SLC16A12: variants seen among roughly 807,000 people sequenced by gnomAD.
The protein encoded by SLC16A12 is monocarboxylate transporter 12.
SLC16A12 carries 17 observed loss-of-function variants against 42.4 expected under a neutral mutation model. The observed-to-expected ratio is 0.40, with a 90% CI of 0.27 to 0.60. The LOEUF (loss-of-function observed/expected upper bound fraction) is 0.60, where lower values mean the gene tolerates loss of function less well. SLC16A12 is among the 20% of genes least tolerant of loss of function. The pLI is 0.42. For synonymous variants in SLC16A12, 224 were observed against 229.4 expected, an observed-to-expected ratio of 0.98 and a Z score of 0.21; for missense variants, 544 against 623.0, an observed-to-expected ratio of 0.87 and a Z score of 1.35.
At chr10:89,483,997 C>G (rs1842710745) in intron 2 of SLC16A12, among the ~76,000 whole-genome samples, 1 of 152,080 alleles carries the variant, frequency 6.6e-6, no homozygotes, top group Non-Finnish European at 1.5e-5. Flanking sequence ...GTTACTAAGT[C>G]TCAGAACCCA....
At chr10:89,541,073 C>T (rs1843712615) in intron 2 of SLC16A12, among the ~76,000 whole-genome samples, 1 of 151,904 alleles carries the variant, frequency 6.6e-6, no homozygotes, top group African/African-American at 2.4e-5. Flanking sequence ...AGGTGCCCAC[C>T]ACCACGCCAG....
At chr10:89,487,097 G>A (rs937318678) in intron 2 of SLC16A12, among the ~76,000 whole-genome samples, 1 of 152,232 alleles carries the variant, frequency 6.6e-6, no homozygotes, top group East Asian at 1.9e-4. Context: ...CAAGAAAGCT[G>A]TGGGCTCTGC....
At position 89,438,931 on chromosome 10, in the gene SLC16A12, G is replaced by C. The variant is rs761547419; in HGVS notation, c.701C>G (p.Thr234Arg). 1 of 1,614,192 alleles carries C rather than the reference G, an allele frequency of 6.2e-7. No individual in the cohort carries two copies. Among genetic ancestry groups the C allele is most frequent in the African/African-American group, 1.3e-5 (1 of 75,058 alleles). ...MRPITLKEDH[T>R]TPEQNHVCRT... is the part of the protein sequence containing the mutation. The stretch of plus-strand genomic sequence containing the variant: ...ACACACATGGTTCTGCTCTGGAGTT[G>C]TGTGGTCCTCTTTAAGAGTAATTGG... Residue 234 changes from threonine (T) to arginine (R), a missense_variant, in exon 6 of 8, where the codon ACA (threonine) becomes AGA (arginine). By Grantham distance (71) the Thr-to-Arg change is moderately conservative. Transcript: ENST00000371790.
At chr10:89,441,079 G>A (rs1330357913) in intron 5 of SLC16A12, 29 bp downstream of exon 5, 39 of 1,613,374 alleles carry the variant, frequency 2.4e-5, no homozygotes, top group Non-Finnish European at 3.3e-5. Context: ...ATGGAGTGGG[G>A]TGAGACAGGT....
intron 3 of SLC16A12, among the ~76,000 whole-genome samples, chr10:89,460,143 C>A (rs994559276): frequency 6.6e-6 from 1 of 152,084 alleles, no homozygotes; most frequent in Non-Finnish European, 1.5e-5. Flanking sequence ...CCCTAAGATT[C>A]CAGCATGATC....
At chr10:89,476,322 A>G (rs1260779422) in intron 2 of SLC16A12, among the ~76,000 whole-genome samples, 1 of 152,196 alleles carries the variant, frequency 6.6e-6, no homozygotes, top group African/African-American at 2.4e-5. Context: ...TTCACTCTGT[A>G]ATCGCTGCCA....
Position 89,438,808 on chromosome 10 carries a change from T to C in SLC16A12, c.824A>G (p.Tyr275Cys), listed in dbSNP as rs770900409. Residue 275 changes from tyrosine (Y) to cysteine (C), a missense_variant, in exon 6 of 8, where the codon TAC becomes TGC. Coordinates refer to ENST00000371790, the MANE Select transcript of SLC16A12 (RefSeq NM_213606.4). The part of the protein sequence containing the change: ...TCLCCCLQQE[Y>C]SFLLMSDFVV... Reference sequence around the variant, plus strand: ...AAAGTCTGACATGAGTAAAAAACTGTACTCTTGCTGCAAACAGCAACAGAG... The same window carrying C: ...AAAGTCTGACATGAGTAAAAAACTGCACTCTTGCTGCAAACAGCAACAGAG... 21 of 1,614,066 alleles carry C rather than the reference T, an allele frequency of 1.3e-5. No homozygotes were observed. Among genetic ancestry groups the C allele is most frequent in the Non-Finnish European group, 1.7e-5 (20 of 1,180,048 alleles).
chr10:89,535,779 G>A (rs2133878388), upstream of SLC16A12, among the ~76,000 whole-genome samples: 1 of 152,204 alleles, frequency 6.6e-6, no homozygotes, highest in East Asian at 1.9e-4. Flanking sequence ...CCCTTCCCGG[G>A]CCCCAGGCTG....
At chr10:89,490,065 A>G (rs1277975479) in intron 2 of SLC16A12, among the ~76,000 whole-genome samples, 1 of 152,240 alleles carries the variant, frequency 6.6e-6, no homozygotes, top group African/African-American at 2.4e-5. Flanking sequence ...ATAGATAACT[A>G]TAGTGACTCA....
At chr10:89,477,924 C>T (rs1842605434) in intron 2 of SLC16A12, among the ~76,000 whole-genome samples, 1 of 123,862 alleles carries the variant, frequency 8.1e-6, no homozygotes, top group African/African-American at 3.0e-5. Context: ...AGGACTTGTG[C>T]CTTGGAGAAC....
intron 2 of SLC16A12, among the ~76,000 whole-genome samples, chr10:89,553,918 C>T (rs758152353): frequency 8.8e-4 from 133 of 151,398 alleles, no homozygotes; most frequent in Non-Finnish European, 1.6e-3. Context: ...TAGCTTGAAC[C>T]CGGGAGGCAG....
chr10:89,493,259 G>A (rs972910940), intron 2 of SLC16A12, among the ~76,000 whole-genome samples: 1 of 124,642 alleles, frequency 8.0e-6, no homozygotes, highest in Non-Finnish European at 1.7e-5. Context: ...TTTCACTCTT[G>A]TTGCCCAGGC....
chr10:89,456,893 A>G (rs537887977), intron 3 of SLC16A12, among the ~76,000 whole-genome samples: 20 of 152,074 alleles, frequency 1.3e-4, no homozygotes, highest in Non-Finnish European at 1.9e-4. Flanking sequence ...ATTCCTTTTT[A>G]TGGCTGCATA....
rs187490604 is a variant in SLC16A12, at chr10:89,496,744, A to G, written c.-46-34120T>C. On this transcript the variant is annotated intron_variant, in intron 2 of 7. Transcript: ENST00000371790. ...CTAAAACAGGGTTCAAAGAACTCCA[A>G]TTATAAAGGAGAAGAACACTTTCAC... Among the ~76,000 whole-genome samples, 87 of 152,328 alleles carry G rather than the reference A, an allele frequency of 5.7e-4. 1 individual carries two copies. The highest frequency in any genetic ancestry group is 1.8e-3 in the African/African-American group (75 of 41,592).
At chr10:89,483,752 AAC>A (rs1842705327) in intron 2 of SLC16A12, among the ~76,000 whole-genome samples, 9 of 144,910 alleles carry the variant, frequency 6.2e-5, no homozygotes, top group African/African-American at 5.0e-5. Context: ...AAAAAAAAAA[AAC>A]AAAAAAAAAA....
At chr10:89,476,714 G>T (rs537625756) in intron 2 of SLC16A12, among the ~76,000 whole-genome samples, 1 of 152,338 alleles carries the variant, frequency 6.6e-6, no homozygotes, top group African/African-American at 2.4e-5. Context: ...CCCAGCACTG[G>T]GGTCATAGAA....
chr10:89,553,597 G>A (rs186666474), intron 2 of SLC16A12, among the ~76,000 whole-genome samples: 407 of 152,322 alleles, frequency 2.7e-3, no homozygotes, highest in Admixed American at 7.6e-3. Context: ...GCTGCTCTGA[G>A]TCATTACCTT....
intron 2 of SLC16A12, among the ~76,000 whole-genome samples, chr10:89,487,595 G>C (rs964022719): frequency 1.3e-5 from 2 of 150,410 alleles, no homozygotes; most frequent in Non-Finnish European, 2.9e-5. Context: ...GAGGTCAGGA[G>C]TTCGAGACCA....
intron 2 of SLC16A12, among the ~76,000 whole-genome samples, chr10:89,514,682 T>C (rs1408673471): frequency 1.3e-5 from 2 of 152,206 alleles, no homozygotes; most frequent in Non-Finnish European, 2.9e-5. Context: ...CCAAATACCA[T>C]CACATTGGGG....
Sources: allele counts gnomAD v4.1 joint callset (sites outside exome capture counted in the v4.1 genomes callset), GRCh38; gene constraint gnomAD v4.1.1; transcripts MANE v1.5; gene names NCBI Gene and HGNC (gene_info 2026-07-23, HGNC 2026-07-21).